TRPM1: variants seen among roughly 807,000 people sequenced by gnomAD.
TRPM1 encodes the protein TRPM1-203 APA Isoform, Intron 10.
A neutral mutation model predicts 149.4 loss-of-function variants in TRPM1; 113 were observed. The observed-to-expected ratio is 0.76, with a 90% confidence interval of 0.65 to 0.88. The LOEUF is 0.88. Ranked by LOEUF, TRPM1 falls within the 40% of genes least tolerant of loss-of-function variation. The probability of loss-of-function intolerance (pLI) is 0.00; values close to 1 mark genes in which losing one functional copy is unlikely to be tolerated. For synonymous variants in TRPM1, 741 were observed against 759.5 expected (o/e 0.98, Z 0.40); for missense variants, 1,976 against 2,038.7 (o/e 0.97, Z 0.59).
intron 1 of TRPM1, among the ~76,000 whole-genome samples, chr15:31,132,068 C>CA (rs1170338514): frequency 6.6e-6 from 1 of 152,216 alleles, no homozygotes; most frequent in Non-Finnish European, 1.5e-5. Context: ...GCATTAGCCA[C>CA]AGCCAGCTGT....
intron 27 of TRPM1, among the ~76,000 whole-genome samples, chr15:31,009,706 T>C (rs2032114330): frequency 6.6e-6 from 1 of 152,222 alleles, no homozygotes; most frequent in African/African-American, 2.4e-5. Context: ...CCCACACTTC[T>C]CTGAGGCTTT....
chr15:31,100,944 C>T (rs1434802333), intron 1 of TRPM1, among the ~76,000 whole-genome samples: 1 of 152,170 alleles, frequency 6.6e-6, no homozygotes, highest in Non-Finnish European at 1.5e-5. Flanking sequence ...TGTGGACTTG[C>T]AGGGCTTTGC....
chr15:31,108,045 A>G (rs1848675891), intron 1 of TRPM1, among the ~76,000 whole-genome samples: 2 of 152,036 alleles, frequency 1.3e-5, no homozygotes, highest in South Asian at 2.1e-4. Context: ...TTTAGTAGAG[A>G]TGGGGTTTCA....
At chr15:31,115,212 C>G (rs923521545) in intron 1 of TRPM1, among the ~76,000 whole-genome samples, 2 of 152,016 alleles carry the variant, frequency 1.3e-5, no homozygotes, top group African/African-American at 4.8e-5. Context: ...GAGCCAAGAT[C>G]GCGCCACTGC....
chr15:31,003,273 A>C (rs2031861705), intron 27 of TRPM1, among the ~76,000 whole-genome samples: 1 of 152,254 alleles, frequency 6.6e-6, no homozygotes, highest in Non-Finnish European at 1.5e-5. Flanking sequence ...ATAAATAGTT[A>C]ATGCATATAG....
rs1209381817 is a variant in TRPM1 at position 31,084,797 on chromosome 15, T to C, written c.-83-3359A>G. Among the ~76,000 whole-genome samples the C allele has an allele frequency of 9.3e-5, 14 of 150,954 alleles. No individual in the cohort carries two copies. The East Asian group carries it at 1.9e-3, about 21-fold the overall frequency. On this transcript the variant is annotated intron_variant, in intron 1 of 27. Coordinates refer to ENST00000256552, the MANE Select transcript of TRPM1 (RefSeq NM_001252024.2). Reference sequence around the variant, plus strand: ...CAAGTGATTCCCCGCCTCAGCCTCCTGCATAGCTGGAACTACAGGCGCCCG... The same window carrying C: ...CAAGTGATTCCCCGCCTCAGCCTCCCGCATAGCTGGAACTACAGGCGCCCG...
intron 5 of TRPM1, among the ~76,000 whole-genome samples, 172 bp from the exon 6 acceptor site, chr15:31,067,359 C>T (rs1022285148): frequency 3.3e-5 from 5 of 152,142 alleles, no homozygotes; most frequent in East Asian, 1.9e-4. Context: ...CTCATGATAA[C>T]GAGCAATCTT....
At chr15:31,008,484 G>A (rs145707619) in intron 27 of TRPM1, among the ~76,000 whole-genome samples, 2 of 152,122 alleles carry the variant, frequency 1.3e-5, no homozygotes, top group African/African-American at 4.8e-5. Context: ...TCATTAATAT[G>A]GTGGATTACA....
chr15:31,073,963 G>A (rs961911482), intron 3 of TRPM1, among the ~76,000 whole-genome samples: 6 of 152,060 alleles, frequency 3.9e-5, no homozygotes, highest in African/African-American at 1.4e-4. Context: ...AAGATCATGT[G>A]ATTTTTGTTT....
chr15:31,066,077 T>C lies in TRPM1; in HGVS notation c.789A>G (p.Thr263=). The change falls in exon 7 of 28, where the codon ACA becomes ACG. Residue 263 remains threonine, a splice_region_variant and synonymous_variant. Transcript: ENST00000256552. Reference sequence around the variant, plus strand: ...CTGCGTGCCTTTGCCAGCACTTACTTGTGTTGATCTTCTGCAGGGAGATGT... The same window carrying C: ...CTGCGTGCCTTTGCCAGCACTTACTCGTGTTGATCTTCTGCAGGGAGATGT... ...EKHISLQKIN[T]RLGQGVPLVG... is the part of the protein sequence containing the mutation. 6.8e-6 allele frequency: 11 copies of C among 1,613,882 alleles called. No homozygotes were observed. The highest frequency in any genetic ancestry group is 9.3e-6 in the Non-Finnish European group (11 of 1,179,782).
chr15:31,029,640 C>T (rs2032968329), intron 23 of TRPM1, among the ~76,000 whole-genome samples: 2 of 151,818 alleles, frequency 1.3e-5, no homozygotes, highest in South Asian at 4.2e-4. Flanking sequence ...TTTATTTTAC[C>T]CTGTGTCATA....
intron 27 of TRPM1, among the ~76,000 whole-genome samples, chr15:31,009,794 T>G (rs1423690820): frequency 6.6e-6 from 1 of 152,234 alleles, no homozygotes; most frequent in African/African-American, 2.4e-5. Context: ...GTTTACTCTC[T>G]CCTCTGTAAT....
At position 31,081,456 on chromosome 15, in the gene TRPM1, A is replaced by C; in HGVS notation, c.-83-18T>G. On this transcript the variant is annotated intron_variant, in intron 1 of 27. Coordinates refer to ENST00000256552, the MANE Select transcript of TRPM1 (RefSeq NM_001252024.2). ...TCTAGAACCTACGAGGATAAACAAG[A>C]GGAGTAAGAGTCACTTTGCCTGCAG... is the stretch of plus-strand genomic sequence containing the variant. 1 of 1,489,848 alleles carries C rather than the reference A, an allele frequency of 6.7e-7. No homozygotes were observed. The highest frequency in any genetic ancestry group is 9.0e-7 in the Non-Finnish European group (1 of 1,109,676). The allele number at this position is 1,489,848 out of a possible 1,614,324, so 92.3% of individuals were successfully genotyped here.
At chr15:31,038,504 G>A (rs1204439503) in intron 18 of TRPM1, among the ~76,000 whole-genome samples, 1 of 152,196 alleles carries the variant, frequency 6.6e-6, no homozygotes, top group African/African-American at 2.4e-5. Flanking sequence ...TATGAGGCCA[G>A]GAGTTTGAGA....
chr15:31,059,006 C>A (rs929311745), intron 11 of TRPM1, among the ~76,000 whole-genome samples: 3 of 152,158 alleles, frequency 2.0e-5, no homozygotes, highest in Admixed American at 2.0e-4. Flanking sequence ...TCGCTTGAAT[C>A]CGGGATGCAG....
chr15:31,029,391 A>G lies in TRPM1; in HGVS notation c.3128T>C (p.Leu1043Pro). 6.2e-7 allele frequency: 1 copy of G among 1,613,860 alleles called. No individual in the cohort carries two copies. Among genetic ancestry groups the G allele is most frequent in the East Asian group, 2.2e-5 (1 of 44,802 alleles). ...YGEVFADQID[L>P]YAMEINPPCG... ...CTTACGATTAATTTCCATGGCGTAG[A>G]CTACATGACGATTGGAAAGCAGGAT... is the stretch of plus-strand genomic sequence containing the variant. The change falls in exon 24 of 28, where the codon CTC (leucine) becomes CCC (proline). Residue 1043 changes from leucine (L) to proline (P), a missense_variant and splice_region_variant. Transcript: ENST00000256552.
At position 31,117,558 on chromosome 15, in the gene TRPM1, G is replaced by T. The variant is rs1390087833; in HGVS notation, c.55-40574C>A. ...AGCTATCTGGGAGGCTGAGGCAGGAGACTTGCTTGAACCCGGTAGGTGGAG... is the reference window on the plus strand; with the variant it reads ...AGCTATCTGGGAGGCTGAGGCAGGATACTTGCTTGAACCCGGTAGGTGGAG... On this transcript the variant is annotated intron_variant, in intron 1 of 26. Coordinates refer to the TRPM1 transcript ENST00000542188. Among the ~76,000 whole-genome samples, 3 of 151,824 alleles carry T rather than the reference G, an allele frequency of 2.0e-5. No individual in the cohort carries two copies. The East Asian group carries it at 5.8e-4, about 29-fold the overall frequency.
At chr15:31,059,418 GT>G in intron 11 of TRPM1, among the ~76,000 whole-genome samples, 1 of 152,218 alleles carries the variant, frequency 6.6e-6, no homozygotes, top group Non-Finnish European at 1.5e-5. Flanking sequence ...TTTGTTTTAT[GT>G]TTTAGAGATG....
At position 31,040,381 on chromosome 15, in the gene TRPM1, C is replaced by G. The variant is rs753504622; in HGVS notation, c.2088-35G>C. The stretch of plus-strand genomic sequence containing the variant: ...AAGAGAAGGGACCAGGGTGAAGCCA[C>G]AGTGGCCGCAAGCTGTTTCTTAGAC... On this transcript the variant is annotated intron_variant, in intron 17 of 27. Transcript: ENST00000256552. The surrounding 1 kb of genome is among the most constrained non-coding windows in gnomAD (Gnocchi z 4.2). 6.3e-7 allele frequency: 1 copy of G among 1,580,930 alleles called. No homozygotes were observed. Among genetic ancestry groups the G allele is most frequent in the South Asian group, 1.1e-5 (1 of 90,390 alleles).
Sources: gnomAD v4.1 joint callset for allele counts (sites outside exome capture counted in the v4.1 genomes callset) on GRCh38, gnomAD v4.1.1 for gene constraint, Gnocchi (gnomAD v3.1) non-coding constraint, MANE v1.5 for transcripts, NCBI Gene and HGNC (gene_info 2026-07-23, HGNC 2026-07-21) for gene names.